PKD1L3: variants seen among roughly 807,000 people sequenced by gnomAD.
PKD1L3 encodes polycystin 1 like 3, transient receptor potential channel interacting.
A neutral mutation model predicts 184.1 loss-of-function variants in PKD1L3; 239 were observed. That is an observed-to-expected ratio of 1.30 (90% confidence interval 1.17 to 1.45). The LOEUF is 1.45. Among genes scored for constraint, PKD1L3 ranks in the 40% most tolerant of loss-of-function variants. The pLI is 0.00. For missense variants in PKD1L3, 2,660 were observed against 2,067.2 expected (o/e 1.29, Z -5.56); for synonymous variants, 996 against 778.8 (o/e 1.28, Z -4.64).
intron 2 of PKD1L3, 103 bp from the exon 3 acceptor site, chr16:71,993,435 A>G: frequency 1.4e-6 from 1 of 729,976 alleles, no homozygotes; most frequent in South Asian, 2.1e-5. Flanking sequence ...AGGAAAACAC[A>G]AATTAAAAAT....
At chr16:71,937,182 A>C (rs2038209488) in intron 25 of PKD1L3, 110 bp downstream of exon 25, 2 of 1,115,332 alleles carry the variant, frequency 1.8e-6, no homozygotes, top group African/African-American at 3.2e-5. Flanking sequence ...CAGCCTCCCG[A>C]GTAGCTGGGA....
At chr16:71,969,851 C>G (rs771872865) in intron 13 of PKD1L3, 24 bp downstream of exon 13, 161 of 1,522,958 alleles carry the variant, frequency 1.1e-4, no homozygotes, top group Non-Finnish European at 1.3e-4. Context: ...CATGGCAAAT[C>G]TGTTGAAATC....
intron 24 of PKD1L3, among the ~76,000 whole-genome samples, chr16:71,937,932 C>A (rs930721879): frequency 1.3e-5 from 2 of 152,146 alleles, no homozygotes; most frequent in Non-Finnish European, 2.9e-5. Context: ...GGCAGCAGCA[C>A]CCTGTCTGGA....
At chr16:71,997,044 G>T (rs1420221378) in intron 2 of PKD1L3, among the ~76,000 whole-genome samples, 3 of 150,904 alleles carry the variant, frequency 2.0e-5, no homozygotes, top group Non-Finnish European at 4.4e-5. Context: ...GTTGTTGGAG[G>T]TTAAGTAGAG....
At chr16:71,971,272 TG>T (rs2039698400) in intron 12 of PKD1L3, among the ~76,000 whole-genome samples, 1 of 152,238 alleles carries the variant, frequency 6.6e-6, no homozygotes, top group South Asian at 2.1e-4. Context: ...GTGCATTCAA[TG>T]TTTTTTATTA....
intron 24 of PKD1L3, among the ~76,000 whole-genome samples, chr16:71,938,529 C>CA (rs2143183684): frequency 6.6e-6 from 1 of 152,342 alleles, no homozygotes; most frequent in Non-Finnish European, 1.5e-5. Flanking sequence ...GCTGGGCTGC[C>CA]AGTTCTGGAA....
chr16:71,956,886 T>G (rs2039070873), intron 16 of PKD1L3, among the ~76,000 whole-genome samples: 3 of 152,220 alleles, frequency 2.0e-5, no homozygotes, highest in South Asian at 4.1e-4. Context: ...AGATTGCAAC[T>G]CTTCTGCCTT....
rs956215660 is a variant in PKD1L3, at chr16:71,979,708, A to T, written c.1398+78T>A. On this transcript the variant is annotated intron_variant, in intron 9 of 29. Transcript: ENST00000620267. ...TGGTCTGTTCAGTTTACATTTCATGATACATTACTTTCACCCAAATGCCTA... is the reference window on the plus strand; with the variant it reads ...TGGTCTGTTCAGTTTACATTTCATGTTACATTACTTTCACCCAAATGCCTA... 2.4e-5 allele frequency: 34 copies of T among 1,427,824 alleles called. No homozygotes were observed. The South Asian group carries it at 4.9e-4, about 20-fold the overall frequency. 88.4% of individuals were successfully genotyped at this position (1,427,824 alleles called of 1,614,324 possible).
intron 2 of PKD1L3, among the ~76,000 whole-genome samples, chr16:71,994,367 G>A (rs947606356): frequency 6.6e-6 from 1 of 152,042 alleles, no homozygotes; most frequent in Non-Finnish European, 1.5e-5. Flanking sequence ...GAATATCAAA[G>A]CAATTTAGAG....
chr16:71,977,235 C>A lies in PKD1L3; in HGVS notation c.1759+1G>T, dbSNP rs909759086. On this transcript the variant is annotated splice_donor_variant, in intron 11 of 29. Coordinates refer to ENST00000620267, the MANE Select transcript of PKD1L3 (RefSeq NM_181536.2). LOFTEE classifies it high-confidence loss of function. Reference sequence around the variant, plus strand: ...GTTTCTGACAGCTGATTGGGTTTTACCTTTTTGCCACACCTTATCCTTTGG... The same window carrying A: ...GTTTCTGACAGCTGATTGGGTTTTAACTTTTTGCCACACCTTATCCTTTGG... The A allele has an allele frequency of 2.6e-6, 4 of 1,515,590 alleles. No homozygotes were observed. The highest frequency in any genetic ancestry group is 3.6e-6 in the Non-Finnish European group (4 of 1,114,406). 93.9% of individuals were successfully genotyped at this position (1,515,590 alleles called of 1,614,324 possible).
At chr16:71,999,506 G>C (rs1029951570) in intron 1 of PKD1L3, among the ~76,000 whole-genome samples, 178 bp downstream of exon 1, 2 of 152,178 alleles carry the variant, frequency 1.3e-5, no homozygotes, top group Non-Finnish European at 2.9e-5. Flanking sequence ...TTTGCTAACA[G>C]ACAAATCAAA....
At position 71,942,874 on chromosome 16, in the gene PKD1L3, T is replaced by C. The variant is rs199609004; in HGVS notation, c.4010A>G (p.His1337Arg). ...CCCATACAGGCTAGGAAGAAGGATA[T>C]GATTGGCCCAGGGGTAGAAATCCTG... ...LLQDFYPWAN[H>R]ILLPSLYGDY... The change falls in exon 24 of 30, where the codon CAT (histidine) becomes CGT (arginine). Residue 1337 changes from histidine (H) to arginine (R), a missense_variant. By Grantham distance (29) the His-to-Arg change is conservative. Coordinates refer to ENST00000620267, the MANE Select transcript of PKD1L3 (RefSeq NM_181536.2). The C allele has an allele frequency of 5.2e-6, 8 of 1,551,660 alleles. No homozygotes were observed. The highest frequency in any genetic ancestry group is 2.4e-5 in the East Asian group (1 of 40,922).
chr16:71,929,716 T>G, intron 29 of PKD1L3, 38 bp from the exon 30 acceptor site: 1 of 1,485,542 alleles, frequency 6.7e-7, no homozygotes, highest in Non-Finnish European at 9.0e-7. Context: ...GTGAGAAAAT[T>G]GAAATTACTG....
intron 23 of PKD1L3, among the ~76,000 whole-genome samples, chr16:71,943,335 G>A (rs1009289011): frequency 2.6e-5 from 4 of 151,920 alleles, no homozygotes; most frequent in South Asian, 4.2e-4. Flanking sequence ...TCAGGAGTTC[G>A]AGACCAGCCT....
At chr16:71,964,361 C>T (rs537195143) in intron 15 of PKD1L3, among the ~76,000 whole-genome samples, 2 of 81,804 alleles carry the variant, frequency 2.4e-5, no homozygotes, top group African/African-American at 9.9e-5. Context: ...TTTTTTGAGA[C>T]AGAGTTTCAC....
At chr16:71,983,663 C>CTTTTTTTTTTTTTTTTTTTTTT (rs1180950058) in intron 6 of PKD1L3, among the ~76,000 whole-genome samples, 4 of 100,338 alleles carry the variant, frequency 4.0e-5, no homozygotes, top group African/African-American at 1.6e-4. Flanking sequence ...GATTCTCTTT[C>CTTTTTTTTTTTTTTTTTTTTTT]TTTTTTTTTT....
intron 3 of PKD1L3, among the ~76,000 whole-genome samples, chr16:71,992,091 G>A (rs1012339574): frequency 2.0e-5 from 3 of 152,150 alleles, no homozygotes; most frequent in African/African-American, 7.2e-5. Context: ...ACGGTGCTGG[G>A]ATTACAGGTG....
chr16:71,967,478 T>C (rs1293897175), intron 14 of PKD1L3, among the ~76,000 whole-genome samples, 163 bp from the exon 15 acceptor site: 1 of 152,246 alleles, frequency 6.6e-6, no homozygotes, highest in African/African-American at 2.4e-5. Flanking sequence ...AGATATATTT[T>C]TTCTGACATG....
chr16:71,971,034 T>A (rs1208702534), intron 12 of PKD1L3, among the ~76,000 whole-genome samples: 1 of 152,214 alleles, frequency 6.6e-6, no homozygotes, highest in Admixed American at 6.6e-5. Context: ...TTCACTGCTG[T>A]GTCTCTAGTT....
Sources: gnomAD v4.1 joint callset for allele counts (sites outside exome capture counted in the v4.1 genomes callset) on GRCh38, gnomAD v4.1.1 for gene constraint, MANE v1.5 for transcripts, NCBI Gene and HGNC (gene_info 2026-07-23, HGNC 2026-07-21) for gene names.